The following FCGR2A variants were observed in gnomAD, a reference collection of about 807,000 sequenced individuals.
The protein encoded by FCGR2A is low affinity immunoglobulin gamma Fc region receptor II-a.
FCGR2A carries 18 observed loss-of-function variants against 29.3 expected under a neutral mutation model. The ratio of observed to expected loss-of-function variants is 0.62; its 90% CI spans 0.43 to 0.91. FCGR2A has a LOEUF of 0.91. Ranked by LOEUF, FCGR2A falls within the 40% of genes least tolerant of loss-of-function variation. The probability of loss-of-function intolerance (pLI) is 0.00; values close to 1 mark genes in which losing one functional copy is unlikely to be tolerated. For synonymous variants in FCGR2A, 126 were observed against 144.8 expected (o/e 0.87, Z 0.93); for missense variants, 287 against 393.0 (o/e 0.73, Z 2.28).
chr1:161,506,777 A>G (rs565740347), intron 3 of FCGR2A, 186 bp downstream of exon 3: 1 of 1,171,192 alleles, frequency 8.5e-7, no homozygotes, highest in Admixed American at 2.8e-5. Flanking sequence ...GGAAGGGGGA[A>G]TTTCTAATAA....
chr1:161,522,472 C>T (rs556998909), downstream of FCGR2A, among the ~76,000 whole-genome samples: 1 of 152,050 alleles, frequency 6.6e-6, no homozygotes, highest in Admixed American at 6.5e-5. Flanking sequence ...TGGCTGGGGG[C>T]TGGAAGAGAA....
At chr1:161,512,808 A>G (rs1461358714) in intron 5 of FCGR2A, among the ~76,000 whole-genome samples, 4 of 152,208 alleles carry the variant, frequency 2.6e-5, no homozygotes, top group South Asian at 4.1e-4. Context: ...TTGCACGTCC[A>G]CTGGCCAGGC....
At chr1:161,520,345 A>G (rs911033018), downstream of FCGR2A, among the ~76,000 whole-genome samples, 3 of 152,070 alleles carry the variant, frequency 2.0e-5, no homozygotes, top group Non-Finnish European at 2.9e-5. Flanking sequence ...GAGTGAGTGC[A>G]AGCAGGGAAG....
At chr1:161,510,799 A>AC (rs36115508) in intron 4 of FCGR2A, 35 bp from the exon 5 acceptor site, 146 of 1,611,586 alleles carry the variant, frequency 9.1e-5, no homozygotes, top group Middle Eastern at 1.7e-4. Context: ...TAAAATAGTA[A>AC]CCCCCCATCC....
rs1571989396 is a variant in FCGR2A, at chr1:161,519,251, A to C, written c.*1103A>C. ...CCCTGTCCTGAAAGCCACAGACAAT[A>C]TGGTCCCAAATGACTGACTGCACCT... On this transcript the variant is annotated 3_prime_UTR_variant, in exon 7 of 7. Coordinates refer to ENST00000271450, the MANE Select transcript of FCGR2A (RefSeq NM_001136219.3). 6.5e-6 allele frequency: 1 copy of C among 152,824 alleles called. No homozygotes were observed. Among genetic ancestry groups the C allele is most frequent in the African/African-American group, 2.4e-5 (1 of 41,414 alleles). The allele number at this position is 152,824 out of a possible 1,614,324, so 9.5% of individuals were successfully genotyped here. A position where few individuals can be genotyped will look rare whatever the true frequency, so the allele number is the denominator to read the frequency against.
chr1:161,521,226 C>G (rs1489267876), downstream of FCGR2A, among the ~76,000 whole-genome samples: 1 of 151,868 alleles, frequency 6.6e-6, no homozygotes, highest in South Asian at 2.1e-4. Context: ...TTCCCCACTC[C>G]TCTCATTAGA....
chr1:161,506,786 A>G, intron 3 of FCGR2A, 195 bp downstream of exon 3: 1 of 1,139,732 alleles, frequency 8.8e-7, no homozygotes, highest in Non-Finnish European at 1.2e-6. Flanking sequence ...AATTTCTAAT[A>G]ATTTTCTCAG....
chr1:161,511,466 AGG>A (rs1434956716), intron 5 of FCGR2A, among the ~76,000 whole-genome samples: 10 of 152,184 alleles, frequency 6.6e-5, no homozygotes, highest in Non-Finnish European at 1.2e-4. Context: ...AGAGAGAGAG[AGG>A]CAGACTGTGA....
Position 161,518,100 on chromosome 1 carries a change from C to A in FCGR2A, c.906C>A (p.Asn302Lys), listed in dbSNP as rs758476200. Residue 302 changes from asparagine (N) to lysine (K), a missense_variant, in exon 7 of 7, where the codon AAC becomes AAA. By Grantham distance (94) the Asn-to-Lys change is moderately conservative. Around this residue, in one of 3 missense-constraint regions of FCGR2A, gnomAD observed 34 missense variants for 73.5 expected, o/e 0.46. Coordinates refer to ENST00000271450, the MANE Select transcript of FCGR2A (RefSeq NM_001136219.3). ...NPRAPTDDDK[N>K]IYLTLPPNDH... ...GGGCACCTACTGACGATGATAAAAA[C>A]ATCTACCTGACTCTTCCTCCCAACG... is the stretch of plus-strand genomic sequence containing the variant. 2.2e-5 allele frequency: 36 copies of A among 1,613,698 alleles called. No individual in the cohort carries two copies. The highest frequency in any genetic ancestry group is 5.9e-6 in the Non-Finnish European group (7 of 1,179,852).
chr1:161,510,144 C>G, intron 4 of FCGR2A, 70 bp downstream of exon 4: 3 of 1,593,686 alleles, frequency 1.9e-6, no homozygotes, highest in Non-Finnish European at 2.6e-6. Context: ...TCACATGGGC[C>G]TACATGGAGG....
chr1:161,512,538 A>C (rs1675868235), intron 5 of FCGR2A, among the ~76,000 whole-genome samples: 1 of 150,126 alleles, frequency 6.7e-6, no homozygotes, highest in Non-Finnish European at 1.5e-5. Flanking sequence ...GTGACCTCTC[A>C]GGCCTTCTAG....
chr1:161,522,067 A>G (rs57706868), downstream of FCGR2A, among the ~76,000 whole-genome samples: 5 of 152,224 alleles, frequency 3.3e-5, no homozygotes, highest in Non-Finnish European at 7.4e-5. Flanking sequence ...GGCCAGCTGC[A>G]GTGGCTCATG....
chr1:161,505,832 A>G (rs1675348068), intron 1 of FCGR2A, 155 bp from the exon 2 acceptor site: 3 of 785,460 alleles, frequency 3.8e-6, no homozygotes, highest in Non-Finnish European at 6.8e-6. Flanking sequence ...ATATGAAGTG[A>G]ATACTTTTAT....
At position 161,506,425 on chromosome 1, in the gene FCGR2A, C is replaced by T. The variant is rs758777816; in HGVS notation, c.198C>T (p.Arg66=). The stretch of plus-strand genomic sequence containing the variant: ...TGACTCTGACATGCCAGGGGGCTCG[C>T]AGCCCTGAGAGCGACTCCATTCAGT... ...DSVTLTCQGA[R]SPESDSIQWF... The change falls in exon 3 of 7, where the codon CGC becomes CGT. Residue 66 remains arginine, a synonymous_variant. Coordinates refer to ENST00000271450, the MANE Select transcript of FCGR2A (RefSeq NM_001136219.3). 16 of 1,614,110 alleles carry T rather than the reference C, an allele frequency of 9.9e-6. No homozygotes were observed. Among genetic ancestry groups the T allele is most frequent in the South Asian group, 9.9e-5 (9 of 91,092 alleles).
chr1:161,511,562 TGGG>T (rs900957574), intron 5 of FCGR2A, among the ~76,000 whole-genome samples: 18 of 152,106 alleles, frequency 1.2e-4, no homozygotes, highest in African/African-American at 3.9e-4. Flanking sequence ...GGCGTCCCCA[TGGG>T]TGAGCTGAAT....
At position 161,505,660 on chromosome 1, in the gene FCGR2A, G is replaced by T. The variant is rs1401549342; in HGVS notation, c.85+108G>T. 5 of 907,662 alleles carry T rather than the reference G, an allele frequency of 5.5e-6. No individual in the cohort carries two copies. In the Admixed American group the frequency reaches 8.7e-5, roughly 16 times the overall value. 56.2% of individuals were successfully genotyped at this position (907,662 alleles called of 1,614,324 possible). A position where few individuals can be genotyped will look rare whatever the true frequency, so the allele number is the denominator to read the frequency against. On this transcript the variant is annotated intron_variant, in intron 1 of 6. Transcript: ENST00000271450. The stretch of plus-strand genomic sequence containing the variant: ...GCCTGGGCCCTGGAAGCAGGGGATA[G>T]ATTGAAAGAGGAGAGAGGACCCTGA...
At chr1:161,514,210 C>T (rs1676001113) in intron 6 of FCGR2A, among the ~76,000 whole-genome samples, 1 of 151,802 alleles carries the variant, frequency 6.6e-6, no homozygotes, top group African/African-American at 2.4e-5. Flanking sequence ...TAACCCTAGC[C>T]AATCGTAAGC....
chr1:161,519,631 T>C lies in FCGR2A; in HGVS notation c.*1483T>C, dbSNP rs963393337. 1.3e-5 allele frequency: 2 copies of C among 152,098 alleles called. No individual in the cohort carries two copies. The highest frequency in any genetic ancestry group is 1.5e-5 in the Non-Finnish European group (1 of 68,000). 9.4% of individuals were successfully genotyped at this position (152,098 alleles called of 1,614,324 possible). Reference sequence around the variant, plus strand: ...TGTAGACTGAACTATCCGGGGTCTGTTTCTTTTCGGTGATGAAAGTCTTGA... The same window carrying C: ...TGTAGACTGAACTATCCGGGGTCTGCTTCTTTTCGGTGATGAAAGTCTTGA... On this transcript the variant is annotated 3_prime_UTR_variant, in exon 7 of 7. Transcript: ENST00000271450.
intron 3 of FCGR2A, among the ~76,000 whole-genome samples, chr1:161,508,086 CAAAA>C (rs61414204): frequency 5.9e-5 from 4 of 68,232 alleles, no homozygotes; most frequent in African/African-American, 1.9e-4. Context: ...AACTCTGTCT[CAAAA>C]AAAAAAAAAA....
Sources: gnomAD v4.1 joint callset for allele counts (sites outside exome capture counted in the v4.1 genomes callset) on GRCh38, gnomAD v4.1.1 for gene constraint, gnomAD v4.1.1 regional missense constraint, MANE v1.5 for transcripts, NCBI Gene and HGNC (gene_info 2026-07-23, HGNC 2026-07-21) for gene names.